The following BACH2 variants were observed in gnomAD, a reference collection of about 807,000 sequenced individuals.
BACH2 encodes BACH transcriptional regulator 2, also known as transcription regulator protein BACH2.
In BACH2, 5 loss-of-function variants were observed where a neutral mutation model predicts 61.8. That is an observed-to-expected ratio of 0.08 (90% CI 0.04 to 0.17). The LOEUF is 0.17. Ranked by LOEUF, BACH2 falls within the 10% of genes least tolerant of loss-of-function variation. The pLI is 1.00. For synonymous variants in BACH2, 446 were observed against 440.1 expected (o/e 1.01, Z -0.17); for missense variants, 824 against 1,091.1 (o/e 0.76, Z 3.45).
At chr6:90,291,819 G>A (rs1045814236) in intron 1 of BACH2, among the ~76,000 whole-genome samples, 1 of 152,128 alleles carries the variant, frequency 6.6e-6, no homozygotes, top group Non-Finnish European at 1.5e-5. Context: ...TTGGTGCTGC[G>A]TTCCCATATG....
chr6:90,203,961 C>T (rs1382477559), intron 4 of BACH2, among the ~76,000 whole-genome samples: 1 of 152,148 alleles, frequency 6.6e-6, no homozygotes, highest in Non-Finnish European at 1.5e-5. Context: ...CAGGGTAGTC[C>T]TGTTAAATTA....
At chr6:90,096,702 G>T (rs1388100531) in intron 4 of BACH2, among the ~76,000 whole-genome samples, 5 of 152,164 alleles carry the variant, frequency 3.3e-5, no homozygotes, top group African/African-American at 1.2e-4. Context: ...CTAGGCCAGA[G>T]TTCATCTGCT....
At chr6:90,286,318 C>A (rs1772015305) in intron 1 of BACH2, among the ~76,000 whole-genome samples, 1 of 152,148 alleles carries the variant, frequency 6.6e-6, no homozygotes. Context: ...AATTTAAAAC[C>A]TGTATGCTAA....
chr6:90,216,024 G>C (rs781553170), intron 3 of BACH2, among the ~76,000 whole-genome samples: 1 of 152,200 alleles, frequency 6.6e-6, no homozygotes, highest in Non-Finnish European at 1.5e-5. Context: ...AGTAGAATGA[G>C]AGAAGCAAAG....
At chr6:90,060,138 AAAAACAAAG>A (rs1780606140) in intron 5 of BACH2, among the ~76,000 whole-genome samples, 1 of 151,850 alleles carries the variant, frequency 6.6e-6, no homozygotes, top group African/African-American at 2.4e-5. Context: ...CAGTAAAAAA[AAAAACAAAG>A]AAAACAAACA....
intron 5 of BACH2, among the ~76,000 whole-genome samples, chr6:90,022,061 A>C (rs1210917623): frequency 6.6e-6 from 1 of 152,216 alleles, no homozygotes; most frequent in African/African-American, 2.4e-5. Flanking sequence ...CTTCTAGGGG[A>C]AAGTTCAATG....
intron 5 of BACH2, among the ~76,000 whole-genome samples, chr6:90,029,283 T>C (rs569879873): frequency 5.9e-5 from 9 of 152,284 alleles, no homozygotes; most frequent in South Asian, 2.1e-4. Context: ...ACGAGGGGAC[T>C]TGGGCAATTT....
At chr6:90,104,108 A>G (rs1298553383) in intron 4 of BACH2, among the ~76,000 whole-genome samples, 7 of 152,170 alleles carry the variant, frequency 4.6e-5, no homozygotes, top group Non-Finnish European at 8.8e-5. Context: ...ATTATTTCCA[A>G]AAAGATGTTA....
intron 6 of BACH2, among the ~76,000 whole-genome samples, chr6:89,981,934 G>A (rs926238146): frequency 6.6e-6 from 1 of 151,966 alleles, no homozygotes; most frequent in Non-Finnish European, 1.5e-5. Flanking sequence ...GGCAGGAGGG[G>A]AAGTGATGGG....
chr6:90,159,726 T>C (rs1323895190), intron 4 of BACH2, among the ~76,000 whole-genome samples: 1 of 152,214 alleles, frequency 6.6e-6, no homozygotes, highest in Non-Finnish European at 1.5e-5. Flanking sequence ...AATGGATGAT[T>C]AAAGTAAATC....
chr6:89,993,818 A>G (rs879039786), intron 6 of BACH2, among the ~76,000 whole-genome samples: 1 of 150,700 alleles, frequency 6.6e-6, no homozygotes, highest in Non-Finnish European at 1.5e-5. Flanking sequence ...TTTTTTTTGA[A>G]TTTTTTTTCT....
At chr6:90,110,858 C>T (rs978665166) in intron 4 of BACH2, among the ~76,000 whole-genome samples, 1 of 152,126 alleles carries the variant, frequency 6.6e-6, no homozygotes, top group South Asian at 2.1e-4. Context: ...CTCTGGTATA[C>T]GGTAGAAGGG....
chr6:90,098,729 T>G (rs1046310133), intron 4 of BACH2, among the ~76,000 whole-genome samples: 1 of 152,178 alleles, frequency 6.6e-6, no homozygotes, highest in African/African-American at 2.4e-5. Context: ...TACAAGCCCC[T>G]GTACTGGATC....
chr6:89,980,039 T>C (rs1255163167), intron 6 of BACH2, among the ~76,000 whole-genome samples: 1 of 152,170 alleles, frequency 6.6e-6, no homozygotes. Flanking sequence ...ACACCTTTAA[T>C]CCCAGCACTT....
intron 5 of BACH2, among the ~76,000 whole-genome samples, chr6:90,084,078 G>A (rs1461811039): frequency 2.0e-5 from 3 of 151,026 alleles, no homozygotes. Flanking sequence ...AGTGTGGTGT[G>A]TGCGGTAGGG....
At chr6:90,219,334 A>G (rs1769657932) in intron 3 of BACH2, among the ~76,000 whole-genome samples, 1 of 152,166 alleles carries the variant, frequency 6.6e-6, no homozygotes, top group South Asian at 2.1e-4. Flanking sequence ...CATTAACCAT[A>G]TGTTTGGCTC....
intron 4 of BACH2, among the ~76,000 whole-genome samples, chr6:90,161,648 T>C (rs1215244263): frequency 1.3e-5 from 2 of 152,208 alleles, no homozygotes; most frequent in Non-Finnish European, 2.9e-5. Context: ...TCAAGTTAAA[T>C]CTAGGTAATA....
At chr6:90,217,801 C>T (rs113603557) in intron 3 of BACH2, among the ~76,000 whole-genome samples, 2 of 151,746 alleles carry the variant, frequency 1.3e-5, no homozygotes, top group African/African-American at 4.8e-5. Context: ...AAAATTGATT[C>T]ACTAACATTA....
intron 5 of BACH2, among the ~76,000 whole-genome samples, chr6:90,020,284 A>G (rs1397753594): frequency 2.0e-5 from 3 of 152,146 alleles, no homozygotes; most frequent in Non-Finnish European, 2.9e-5. Flanking sequence ...TCCCCTATGA[A>G]AATCATGTTG....
Sources: gnomAD v4.1 joint callset for allele counts (sites outside exome capture counted in the v4.1 genomes callset) on GRCh38, gnomAD v4.1.1 for gene constraint, MANE v1.5 for transcripts, NCBI Gene and HGNC (gene_info 2026-07-23, HGNC 2026-07-21) for gene names.